Variants in CDK14 observed in about 807,000 individuals in gnomAD.
The protein encoded by CDK14 is cyclin-dependent kinase 14.
In CDK14, 34 loss-of-function variants were observed where a neutral mutation model predicts 60.7. The observed-to-expected ratio is 0.56, with a 90% CI of 0.43 to 0.75. The LOEUF (loss-of-function observed/expected upper bound fraction) is 0.75, where lower values mean the gene tolerates loss of function less well. Among genes scored for constraint, CDK14 ranks in the 30% least tolerant of loss-of-function variants. The probability of loss-of-function intolerance (pLI) is 0.00; values close to 1 mark genes in which losing one functional copy is unlikely to be tolerated. For missense variants in CDK14, 482 were observed against 564.1 expected, an observed-to-expected ratio of 0.85 and a Z score of 1.47; for synonymous variants, 197 against 203.7, an observed-to-expected ratio of 0.97 and a Z score of 0.28.
chr7:90,740,766 T>C (rs1803313068), intron 3 of CDK14, among the ~76,000 whole-genome samples: 1 of 152,236 alleles, frequency 6.6e-6, no homozygotes, highest in Admixed American at 6.5e-5. Flanking sequence ...TAAACACTGT[T>C]AATTTGTTTT....
intron 14 of CDK14, among the ~76,000 whole-genome samples, chr7:91,156,505 A>G (rs1800987642): frequency 6.6e-6 from 1 of 152,028 alleles, no homozygotes; most frequent in East Asian, 1.9e-4. Context: ...GCTGCTCTCA[A>G]TATGGCTCAC....
chr7:90,930,148 A>G (rs1320320156), intron 8 of CDK14, among the ~76,000 whole-genome samples: 1 of 152,026 alleles, frequency 6.6e-6, no homozygotes, highest in Non-Finnish European at 1.5e-5. Context: ...ATTGTTACCA[A>G]AGTTCATTTG....
chr7:90,884,623 C>T (rs1791881821), intron 6 of CDK14, among the ~76,000 whole-genome samples: 1 of 152,062 alleles, frequency 6.6e-6, no homozygotes, highest in African/African-American at 2.4e-5. Context: ...ACCCGTTTAG[C>T]CAGGACAATC....
At chr7:91,058,939 T>G (rs1011470107) in intron 11 of CDK14, among the ~76,000 whole-genome samples, 1 of 152,176 alleles carries the variant, frequency 6.6e-6, no homozygotes. Context: ...AGGGAGGATT[T>G]CCTCTTTTTC....
intron 10 of CDK14, among the ~76,000 whole-genome samples, chr7:91,027,771 C>T (rs1263841512): frequency 6.8e-3 from 13 of 1,920 alleles, no homozygotes; most frequent in Non-Finnish European, 8.2e-3. Context: ...TCTCCTCTCC[C>T]CTCCCCTCCC....
intron 5 of CDK14, among the ~76,000 whole-genome samples, chr7:90,858,419 A>G (rs1790898282): frequency 6.6e-6 from 1 of 152,204 alleles, no homozygotes; most frequent in African/African-American, 2.4e-5. Context: ...TCCTCTGGGT[A>G]TGAGATTCTC....
At chr7:90,900,653 C>A (rs991708517) in intron 7 of CDK14, among the ~76,000 whole-genome samples, 1 of 152,042 alleles carries the variant, frequency 6.6e-6, no homozygotes, top group African/African-American at 2.4e-5. Flanking sequence ...TGTTGATCAC[C>A]CAGCTAGTGA....
At chr7:91,091,314 T>C (rs1798802461) in intron 12 of CDK14, among the ~76,000 whole-genome samples, 2 of 144,730 alleles carry the variant, frequency 1.4e-5, no homozygotes, top group Admixed American at 6.9e-5. Flanking sequence ...ACATATATAA[T>C]TTATGTATAC....
intron 5 of CDK14, among the ~76,000 whole-genome samples, chr7:90,840,251 C>T (rs959471827): frequency 6.6e-6 from 1 of 152,166 alleles, no homozygotes; most frequent in Non-Finnish European, 1.5e-5. Flanking sequence ...GCGGTGTGTG[C>T]AGTTTTCTGT....
At chr7:90,937,269 TTTC>T (rs571341129) in intron 8 of CDK14, among the ~76,000 whole-genome samples, 29 of 152,314 alleles carry the variant, frequency 1.9e-4, no homozygotes, top group Non-Finnish European at 3.7e-4. Context: ...TGATTTTCGT[TTTC>T]TTCTTTTCTT....
intron 6 of CDK14, among the ~76,000 whole-genome samples, chr7:90,898,121 A>G (rs1048335556): frequency 6.6e-6 from 1 of 152,064 alleles, no homozygotes; most frequent in Non-Finnish European, 1.5e-5. Context: ...TCTAGACCTC[A>G]TTGGGTTTCC....
chr7:91,179,117 A>T (rs924318820), intron 14 of CDK14, among the ~76,000 whole-genome samples: 1 of 152,116 alleles, frequency 6.6e-6, no homozygotes, highest in African/African-American at 2.4e-5. Flanking sequence ...CCATGGAACA[A>T]TGATAGACTG....
At chr7:90,963,149 G>T (rs1240579162) in intron 9 of CDK14, among the ~76,000 whole-genome samples, 2 of 146,594 alleles carry the variant, frequency 1.4e-5, no homozygotes, top group Non-Finnish European at 1.5e-5. Context: ...ATATAGGCAG[G>T]AGTGTTGGCT....
intron 2 of CDK14, among the ~76,000 whole-genome samples, chr7:90,665,712 A>G (rs2116516246): frequency 6.6e-6 from 1 of 152,348 alleles, no homozygotes; most frequent in South Asian, 2.1e-4. Context: ...TATGTAATAC[A>G]GGAGAACTAC....
At chr7:90,690,218 C>T (rs916185832) in intron 2 of CDK14, among the ~76,000 whole-genome samples, 1 of 152,108 alleles carries the variant, frequency 6.6e-6, no homozygotes, top group Non-Finnish European at 1.5e-5. Context: ...TTTTAATGCT[C>T]TGAAAGGTAT....
intron 2 of CDK14, among the ~76,000 whole-genome samples, chr7:90,716,964 C>G (rs1280839073): frequency 2.0e-5 from 3 of 151,998 alleles, no homozygotes; most frequent in African/African-American, 7.2e-5. Context: ...GGTCTGAGAT[C>G]CCAGTGATTC....
intron 2 of CDK14, among the ~76,000 whole-genome samples, chr7:90,626,810 C>A (rs1240827005): frequency 6.6e-6 from 1 of 151,754 alleles, no homozygotes; most frequent in Non-Finnish European, 1.5e-5. Flanking sequence ...TGATGTGTGT[C>A]TGTCATGTAG....
intron 14 of CDK14, among the ~76,000 whole-genome samples, chr7:91,180,940 C>T (rs542068190): frequency 1.3e-5 from 2 of 152,262 alleles, no homozygotes; most frequent in East Asian, 3.9e-4. Flanking sequence ...TTCCTCTGAT[C>T]TACATGCACT....
At chr7:90,637,948 G>T (rs562802045) in intron 2 of CDK14, among the ~76,000 whole-genome samples, 4 of 146,420 alleles carry the variant, frequency 2.7e-5, no homozygotes, top group Admixed American at 2.1e-4. Flanking sequence ...CAGAGACTAG[G>T]ATTGCAACCC....
Sources: gnomAD v4.1 joint callset for allele counts (sites outside exome capture counted in the v4.1 genomes callset) on GRCh38, gnomAD v4.1.1 for gene constraint, MANE v1.5 for transcripts, NCBI Gene and HGNC (gene_info 2026-07-23, HGNC 2026-07-21) for gene names.